TAFA1: variants seen among roughly 807,000 people sequenced by gnomAD.
TAFA1 encodes the protein chemokine-like protein TAFA-1.
Under a neutral mutation model 18.5 loss-of-function variants are expected in TAFA1, and 4 were observed. The ratio of observed to expected loss-of-function variants is 0.22; its 90% CI spans 0.11 to 0.49. TAFA1 has a LOEUF of 0.49. Among genes scored for constraint, TAFA1 ranks in the 20% least tolerant of loss-of-function variants. The pLI, the probability that TAFA1 is intolerant of heterozygous loss-of-function variation, is 0.98. For synonymous variants in TAFA1, 56 were observed against 55.2 expected (o/e 1.01, Z -0.06); for missense variants, 147 against 169.0 (o/e 0.87, Z 0.72).
intron 2 of TAFA1, among the ~76,000 whole-genome samples, chr3:68,210,466 TC>T (rs1352493288): frequency 2.0e-5 from 3 of 151,994 alleles, no homozygotes; most frequent in Admixed American, 2.0e-4. Context: ...ACCAAAGGGA[TC>T]ATATCCTCCA....
At chr3:68,373,012 T>C (rs2069741661) in intron 2 of TAFA1, among the ~76,000 whole-genome samples, 1 of 152,136 alleles carries the variant, frequency 6.6e-6, no homozygotes, top group South Asian at 2.1e-4. Flanking sequence ...GCCCAAGAAA[T>C]TTGATCATCC....
chr3:68,235,244 T>C (rs906092135), intron 2 of TAFA1, among the ~76,000 whole-genome samples: 1 of 152,172 alleles, frequency 6.6e-6, no homozygotes, highest in Non-Finnish European at 1.5e-5. Context: ...GAGTTAAACA[T>C]CTCCACTCAC....
intron 4 of TAFA1, among the ~76,000 whole-genome samples, chr3:68,542,849 G>A (rs924602980): frequency 6.6e-6 from 1 of 152,142 alleles, no homozygotes; most frequent in African/African-American, 2.4e-5. Flanking sequence ...AGCCACTTAG[G>A]CCTTCATGTA....
At chr3:68,063,522 A>G (rs2064633860) in intron 2 of TAFA1, among the ~76,000 whole-genome samples, 1 of 152,204 alleles carries the variant, frequency 6.6e-6, no homozygotes, top group Admixed American at 6.5e-5. Flanking sequence ...ATAATGTAAA[A>G]TTTAAGTTAG....
chr3:68,152,284 A>T (rs572545935), intron 2 of TAFA1, among the ~76,000 whole-genome samples: 1 of 152,292 alleles, frequency 6.6e-6, no homozygotes, highest in African/African-American at 2.4e-5. Flanking sequence ...CTGCTAAGTC[A>T]GATTCTTTGG....
At chr3:68,402,482 T>G (rs2070516802) in intron 2 of TAFA1, among the ~76,000 whole-genome samples, 1 of 152,194 alleles carries the variant, frequency 6.6e-6, no homozygotes. Flanking sequence ...TAGAGTCAAA[T>G]ACTATTAAAT....
At chr3:68,488,398 C>T (rs530627403) in intron 3 of TAFA1, among the ~76,000 whole-genome samples, 6 of 152,306 alleles carry the variant, frequency 3.9e-5, no homozygotes, top group Admixed American at 6.5e-5. Flanking sequence ...GTGGGTCTAC[C>T]TTCAGTCCAC....
intron 2 of TAFA1, among the ~76,000 whole-genome samples, chr3:68,324,622 A>C (rs556228004): frequency 2.0e-5 from 3 of 152,312 alleles, no homozygotes; most frequent in African/African-American, 7.2e-5. Flanking sequence ...GTGCAAAAGT[A>C]ATTGCATTTG....
chr3:68,538,722 A>G (rs777077532), intron 3 of TAFA1, 34 bp from the exon 4 acceptor site: 2 of 1,610,520 alleles, frequency 1.2e-6, no homozygotes, highest in Non-Finnish European at 1.7e-6. Context: ...GTTTGGATGA[A>G]TTGCAAACAC....
At chr3:68,326,340 T>C (rs563300650) in intron 2 of TAFA1, among the ~76,000 whole-genome samples, 1 of 152,318 alleles carries the variant, frequency 6.6e-6, no homozygotes, top group Non-Finnish European at 1.5e-5. Context: ...CAGCCTCTGG[T>C]TTGTGTCATT....
At chr3:68,087,272 T>A (rs1416898734) in intron 2 of TAFA1, among the ~76,000 whole-genome samples, 2 of 152,132 alleles carry the variant, frequency 1.3e-5, no homozygotes, top group African/African-American at 4.8e-5. Context: ...TTTGGGAAGT[T>A]TTTTGTTGGT....
At chr3:68,185,493 C>A (rs1240787688) in intron 2 of TAFA1, among the ~76,000 whole-genome samples, 1 of 152,034 alleles carries the variant, frequency 6.6e-6, no homozygotes, top group Non-Finnish European at 1.5e-5. Context: ...ACTGTTATTT[C>A]CTTAATTTGT....
intron 2 of TAFA1, among the ~76,000 whole-genome samples, chr3:68,317,993 G>A (rs990794736): frequency 6.6e-6 from 1 of 152,044 alleles, no homozygotes; most frequent in Non-Finnish European, 1.5e-5. Context: ...TCAGAATCAG[G>A]GGTGGCCAAG....
intron 2 of TAFA1, among the ~76,000 whole-genome samples, chr3:68,208,642 C>G (rs2066555796): frequency 6.6e-6 from 1 of 151,916 alleles, no homozygotes; most frequent in Non-Finnish European, 1.5e-5. Context: ...GCCAGTTGGC[C>G]TGAACAATAT....
intron 2 of TAFA1, among the ~76,000 whole-genome samples, chr3:68,213,949 A>AC: frequency 6.6e-6 from 1 of 152,024 alleles, no homozygotes; most frequent in Non-Finnish European, 1.5e-5. Flanking sequence ...TTATACACAC[A>AC]AAAAAAGACT....
intron 3 of TAFA1, among the ~76,000 whole-genome samples, chr3:68,524,253 G>C (rs549403257): frequency 1.3e-5 from 2 of 152,158 alleles, no homozygotes; most frequent in Admixed American, 6.5e-5. Context: ...GCATGGTCAC[G>C]ACAGGTTTCT....
intron 3 of TAFA1, among the ~76,000 whole-genome samples, chr3:68,431,245 A>T (rs2071164960): frequency 6.6e-6 from 1 of 152,150 alleles, no homozygotes; most frequent in Non-Finnish European, 1.5e-5. Context: ...TGTTTCTCAC[A>T]TTACCAAGTC....
intron 2 of TAFA1, among the ~76,000 whole-genome samples, chr3:68,057,900 C>T (rs2064555849): frequency 6.6e-6 from 1 of 152,124 alleles, no homozygotes; most frequent in South Asian, 2.1e-4. Flanking sequence ...AATGGATTCT[C>T]CCCTAGAACC....
At chr3:68,390,328 T>C (rs1217284690) in intron 2 of TAFA1, among the ~76,000 whole-genome samples, 1 of 152,162 alleles carries the variant, frequency 6.6e-6, no homozygotes, top group Non-Finnish European at 1.5e-5. Context: ...GGGCAGGGCA[T>C]CTCTGAAAGA....
Sources: allele counts gnomAD v4.1 joint callset (sites outside exome capture counted in the v4.1 genomes callset), GRCh38; gene constraint gnomAD v4.1.1; transcripts MANE v1.5; gene names NCBI Gene and HGNC (gene_info 2026-07-23, HGNC 2026-07-21).